The following GABRQ variants were observed in gnomAD, a reference collection of about 807,000 sequenced individuals.
GABRQ encodes gamma-aminobutyric acid type A receptor subunit theta, also known as gamma-aminobutyric acid receptor subunit theta.
In GABRQ, 19 loss-of-function variants were observed where a neutral mutation model predicts 30.5. That is an observed-to-expected ratio of 0.62 (90% confidence interval 0.43 to 0.91). The LOEUF is 0.91. GABRQ is among the 40% of genes least tolerant of loss of function. The pLI is 0.00. For synonymous variants in GABRQ, 187 were observed against 210.2 expected (o/e 0.89, Z 0.95); for missense variants, 520 against 521.4 (o/e 1.00, Z 0.03).
At chrX:152,646,163 C>T (rs1930882958) in intron 3 of GABRQ, among the ~76,000 whole-genome samples, 2 of 112,442 alleles carry the variant, frequency 1.8e-5, no homozygotes, top group South Asian at 7.4e-4. Context: ...GAAAATTAAA[C>T]AGCAGGTAAA....
intron 2 of GABRQ, 112 bp downstream of exon 2, chrX:152,640,578 T>C: frequency 1.8e-6 from 1 of 561,104 alleles, no homozygotes; most frequent in East Asian, 3.3e-5. Context: ...GCTCTACACC[T>C]GTGCCTCTCC....
intron 1 of GABRQ, among the ~76,000 whole-genome samples, chrX:152,639,690 G>C (rs1247254872): frequency 8.9e-6 from 1 of 111,983 alleles, no homozygotes; most frequent in Non-Finnish European, 1.9e-5. Flanking sequence ...TTTCCGATGA[G>C]AGCTCTGAGC....
intron 7 of GABRQ, among the ~76,000 whole-genome samples, chrX:152,651,015 T>C (rs925087153): frequency 1.2e-4 from 13 of 110,569 alleles, no homozygotes; most frequent in African/African-American, 3.6e-4. Context: ...TGGGGAGCCA[T>C]GAAAAATTTT....
chrX:152,652,500 G>A (rs1455007684), intron 8 of GABRQ, 41 bp from the exon 9 acceptor site: 2 of 1,130,455 alleles, frequency 1.8e-6, no homozygotes, highest in Non-Finnish European at 2.4e-6. Context: ...ATCCATCTAG[G>A]CGATATGAAA....
At chrX:152,639,578 C>T (rs1930703805) in intron 1 of GABRQ, among the ~76,000 whole-genome samples, 1 of 111,856 alleles carries the variant, frequency 8.9e-6, no homozygotes, top group Non-Finnish European at 1.9e-5. Context: ...GCCAGCTCTC[C>T]ACAGAGCTGG....
Position 152,651,606 on chromosome X carries a change from A to G in GABRQ, c.982A>G (p.Ile328Val). 1 of 1,202,880 alleles carries G rather than the reference A, an allele frequency of 8.3e-7. No individual in the cohort carries two copies. The highest frequency in any genetic ancestry group is 1.1e-6 in the Non-Finnish European group (1 of 887,077). Residue 328 changes from isoleucine (I) to valine (V), a missense_variant, in exon 8 of 9, where the codon ATT becomes GTT. Ile to Val is a conservative substitution (Grantham distance 29). Coordinates refer to ENST00000598523, the MANE Select transcript of GABRQ (RefSeq NM_018558.4). ...KLPNISCIKA[I>V]DIYILVCLFF... Reference sequence around the variant, plus strand: ...CCCCAACATTTCCTGTATCAAGGCCATTGATATCTATATCCTCGTGTGCTT... The same window carrying G: ...CCCCAACATTTCCTGTATCAAGGCCGTTGATATCTATATCCTCGTGTGCTT...
At position 152,649,276 on chromosome X, in the gene GABRQ, C is replaced by T; in HGVS notation, c.553C>T (p.Leu185=). The part of the protein sequence containing the change: ...IRLTTTAACS[L]DLHKFPMDKQ... ...ACTCACCACTACAGCAGCTTGTTCCCTGGATCTGCATAAATTCCCTATGGA... is the reference window on the plus strand; with the variant it reads ...ACTCACCACTACAGCAGCTTGTTCCTTGGATCTGCATAAATTCCCTATGGA... The change falls in exon 5 of 9, where the codon CTG becomes TTG. Residue 185 remains leucine, a synonymous_variant. Transcript: ENST00000598523. 2 of 1,197,508 alleles carry T rather than the reference C, an allele frequency of 1.7e-6. No homozygotes were observed. Among genetic ancestry groups the T allele is most frequent in the Non-Finnish European group, 2.3e-6 (2 of 882,552 alleles).
rs1442143206 is a variant in GABRQ at position 152,640,583 on chromosome X, C to T, written c.238+117C>T. On this transcript the variant is annotated intron_variant, in intron 2 of 8. Coordinates refer to ENST00000598523, the MANE Select transcript of GABRQ (RefSeq NM_018558.4). ...TATCCTGCGGGCTCTACACCTGTGC[C>T]TCTCCAGATCCCACCTTCCTGACTC... 5 of 555,395 alleles carry T rather than the reference C, an allele frequency of 9.0e-6. No homozygotes were observed. In the East Asian group the frequency reaches 1.3e-4, roughly 15 times the overall value. The allele number at this position is 555,395 out of a possible 1,213,427, so 45.8% of individuals were successfully genotyped here.
At chrX:152,645,717 T>G (rs782778230) in intron 3 of GABRQ, 123 bp downstream of exon 3, 44 of 475,284 alleles carry the variant, frequency 9.3e-5, no homozygotes, top group Non-Finnish European at 1.6e-4. Context: ...CAAGGTAGGT[T>G]TGGGACACTG....
rs1383919671 is a variant in GABRQ, at chrX:152,637,962, T to A, written c.-241T>A. Among the ~76,000 whole-genome samples, 7 of 113,138 alleles carry A rather than the reference T, an allele frequency of 6.2e-5. No individual in the cohort carries two copies. Among genetic ancestry groups the A allele is most frequent in the Non-Finnish European group, 1.3e-4 (7 of 53,256 alleles). On this transcript the variant is annotated 5_prime_UTR_variant, in exon 1 of 9. Transcript: ENST00000598523. ...CTGCCGGGCGGGCCCTGGGGGGAGC[T>A]GCGTCCAGCAGAGCTGCTGGGTGGT...
At position 152,641,051 on chromosome X, in the gene GABRQ, C is replaced by G. The variant is rs927497645; in HGVS notation, c.238+585C>G. 1.8e-5 allele frequency among the ~76,000 whole-genome samples: 2 copies of G among 111,679 alleles called. 1 individual carries two copies. Among genetic ancestry groups the G allele is most frequent in the Non-Finnish European group, 3.8e-5 (2 of 53,124 alleles). On this transcript the variant is annotated intron_variant, in intron 2 of 8. Coordinates refer to ENST00000598523, the MANE Select transcript of GABRQ (RefSeq NM_018558.4). The stretch of plus-strand genomic sequence containing the variant: ...AACTTTTAATGGTTTTATCTAACTG[C>G]CAAATAAAATCCAAACTCCTCAGCC...
rs75200055 is a variant in GABRQ at position 152,653,035 on chromosome X, G to A, written c.1653G>A (p.Lys551=). The A allele has an allele frequency of 1.7e-6, 2 of 1,211,261 alleles. No individual in the cohort carries two copies. Among genetic ancestry groups the A allele is most frequent in the Admixed American group, 4.3e-5 (2 of 46,114 alleles). ...SDCLAIKEQF[K]CDTNSTWGLN... ...GCCTTGCCATTAAGGAGCAATTCAA[G>A]TGTGATACTAACAGTACCTGGGGCC... The change falls in exon 9 of 9, where the codon AAG becomes AAA. Residue 551 remains lysine (K), a synonymous_variant. Transcript: ENST00000598523.
intron 3 of GABRQ, 67 bp from the exon 4 acceptor site, chrX:152,646,870 CACACACACCCT>C (rs1930899386): frequency 3.0e-5 from 19 of 631,395 alleles, no homozygotes; most frequent in Non-Finnish European, 5.0e-5. Context: ...TGCACACATA[CACACACACCCT>C]ACACACACCA....
In GABRQ at chrX:152,655,460, G is replaced by A. The variant is rs1485050113; in HGVS notation, c.*2179G>A. 8.9e-6 allele frequency: 1 copy of A among 112,705 alleles called. No homozygotes were observed. Among genetic ancestry groups the A allele is most frequent in the Non-Finnish European group, 1.9e-5 (1 of 53,416 alleles). 9.3% of individuals were successfully genotyped at this position (112,705 alleles called of 1,213,427 possible). On this transcript the variant is annotated 3_prime_UTR_variant, in exon 9 of 9. Transcript: ENST00000598523. ...CTGCAAGTACAGAGCATTTCACTTT[G>A]TCCTAGAGGAACATGTTTCGGGGTA...
Position 152,653,143 on chromosome X carries a change from G to C in GABRQ, c.1761G>C (p.Gly587=). ...AGGATAGTTGCCCCCCAAGCCCTGG[G>C]TGCTCCTTCACTGAAGGGTTCTCCT... ...ESEDSCPPSP[G]CSFTEGFSFD... Residue 587 remains glycine, a synonymous_variant, in exon 9 of 9, where the codon GGG becomes GGC. Transcript: ENST00000598523. 1.7e-6 allele frequency: 2 copies of C among 1,211,678 alleles called. No individual in the cohort carries two copies. Among genetic ancestry groups the C allele is most frequent in the South Asian group, 1.8e-5 (1 of 56,998 alleles).
intron 4 of GABRQ, among the ~76,000 whole-genome samples, chrX:152,647,734 C>T (rs1289516967): frequency 9.0e-6 from 1 of 111,036 alleles, no homozygotes; most frequent in South Asian, 3.9e-4. Flanking sequence ...TCCACACACA[C>T]GGAGCAATTG....
At chrX:152,641,768 T>G (rs1930763856) in intron 2 of GABRQ, among the ~76,000 whole-genome samples, 1 of 112,559 alleles carries the variant, frequency 8.9e-6, no homozygotes, top group African/African-American at 3.2e-5. Context: ...AATCCAGGTG[T>G]TAGAGTACAG....
chrX:152,642,614 A>G (rs997672492), intron 2 of GABRQ, among the ~76,000 whole-genome samples: 3 of 112,399 alleles, frequency 2.7e-5, no homozygotes, highest in African/African-American at 9.7e-5. Context: ...AATGAAGGAG[A>G]TATTTTCATT....
intron 2 of GABRQ, among the ~76,000 whole-genome samples, chrX:152,644,691 C>A (rs1172760969): frequency 8.9e-6 from 1 of 112,078 alleles, no homozygotes; most frequent in African/African-American, 3.2e-5. Flanking sequence ...CTGTAATACA[C>A]GCACACACTC....
Sources: gnomAD v4.1 joint callset for allele counts (sites outside exome capture counted in the v4.1 genomes callset) on GRCh38, gnomAD v4.1.1 for gene constraint, MANE v1.5 for transcripts, NCBI Gene and HGNC (gene_info 2026-07-23, HGNC 2026-07-21) for gene names.